Variants in MAEL observed in about 807,000 individuals in gnomAD.
The protein encoded by MAEL is maelstrom spermatogenic transposon silencer, also known as protein maelstrom homolog.
MAEL carries 46 observed loss-of-function variants against 62.0 expected under a neutral mutation model. That is an observed-to-expected ratio of 0.74 (90% CI 0.59 to 0.95). The LOEUF (loss-of-function observed/expected upper bound fraction) is 0.95, where lower values mean the gene tolerates loss of function less well. Among genes scored for constraint, MAEL ranks in the 40% least tolerant of loss-of-function variants. The pLI, the probability that MAEL is intolerant of heterozygous loss-of-function variation, is 0.00. For synonymous variants in MAEL, 172 were observed against 175.5 expected, an observed-to-expected ratio of 0.98 and a Z score of 0.16; for missense variants, 497 against 526.8, an observed-to-expected ratio of 0.94 and a Z score of 0.55.
chr1:167,013,346 T>C (rs1336982805), intron 8 of MAEL, among the ~76,000 whole-genome samples: 1 of 152,192 alleles, frequency 6.6e-6, no homozygotes, highest in Non-Finnish European at 1.5e-5. Context: ...TGACGAGCTC[T>C]GACAAGTTAA....
chr1:167,018,852 A>T (rs1219695128), intron 10 of MAEL, among the ~76,000 whole-genome samples: 2 of 152,172 alleles, frequency 1.3e-5, no homozygotes, highest in Non-Finnish European at 2.9e-5. Flanking sequence ...TAGGGGTGGG[A>T]ACAGGGTGTC....
intron 1 of MAEL, 82 bp from the exon 2 acceptor site, chr1:166,989,655 A>G: frequency 6.8e-7 from 1 of 1,478,178 alleles, no homozygotes; most frequent in Admixed American, 2.1e-5. Context: ...CCTCCCTGTA[A>G]TGCCCCAGCA....
intron 1 of MAEL, among the ~76,000 whole-genome samples, chr1:166,982,193 G>C (rs1350684428): frequency 6.6e-6 from 1 of 152,180 alleles, no homozygotes; most frequent in Non-Finnish European, 1.5e-5. Flanking sequence ...TGTCTAGATG[G>C]TACTCAGAAA....
rs531246004 is a variant in MAEL at position 167,018,857 on chromosome 1, G to C, written c.1041+898G>C. Reference sequence around the variant, plus strand: ...TCCCAGGAGTTAGGGGTGGGAACAGGGTGTCTGTAAAGGGATTGAGCATGA... The same window carrying C: ...TCCCAGGAGTTAGGGGTGGGAACAGCGTGTCTGTAAAGGGATTGAGCATGA... On this transcript the variant is annotated intron_variant, in intron 10 of 11. Coordinates refer to ENST00000367872, the MANE Select transcript of MAEL (RefSeq NM_032858.3). Among the ~76,000 whole-genome samples, 8 of 152,114 alleles carry C rather than the reference G, an allele frequency of 5.3e-5. 1 individual carries two copies. The highest frequency in any genetic ancestry group is 8.8e-5 in the Non-Finnish European group (6 of 68,020).
Position 167,005,101 on chromosome 1 carries a change from G to A in MAEL, c.674G>A (p.Trp225Ter). ...CKSDDRTRVN[W>*]CLKHMAKASE... ...TCTGATGATAGAACCAGAGTCAACT[G>A]GTGTTTGAAGCATATGGCAAAGGCA... Residue 225 changes from tryptophan (W) to a stop codon, truncating the protein, a stop_gained, in exon 7 of 12, where the codon TGG becomes TAG. Transcript: ENST00000367872. LOFTEE classifies it high-confidence loss of function. 6.2e-7 allele frequency: 1 copy of A among 1,613,552 alleles called. No individual in the cohort carries two copies. The highest frequency in any genetic ancestry group is 1.1e-5 in the South Asian group (1 of 91,002).
intron 5 of MAEL, among the ~76,000 whole-genome samples, chr1:167,002,706 CACCAAAGG>C (rs966797576): frequency 1.3e-5 from 2 of 152,130 alleles, no homozygotes; most frequent in African/African-American, 4.8e-5. Flanking sequence ...GACAGGTAAT[CACCAAAGG>C]ATTATTAGTA....
At chr1:167,001,726 C>T (rs183423832) in intron 5 of MAEL, among the ~76,000 whole-genome samples, 1 of 152,302 alleles carries the variant, frequency 6.6e-6, no homozygotes, top group East Asian at 1.9e-4. Context: ...AGCAGTTGCA[C>T]ATTTTAATGA....
intron 1 of MAEL, among the ~76,000 whole-genome samples, chr1:166,981,024 C>G (rs1663744025): frequency 6.6e-6 from 1 of 152,144 alleles, no homozygotes; most frequent in African/African-American, 2.4e-5. Context: ...GATGACCTCA[C>G]CCCCAGCAAA....
chr1:167,012,558 A>C (rs995617656), intron 8 of MAEL: 1 of 152,236 alleles, frequency 6.6e-6, no homozygotes, highest in African/African-American at 2.4e-5. Context: ...CTAACAGTTA[A>C]GTAGGAAAGA....
At chr1:167,006,174 A>G (rs1430838946) in intron 8 of MAEL, 1 of 152,160 alleles carries the variant, frequency 6.6e-6, no homozygotes, top group East Asian at 1.9e-4. Context: ...ATAGGACACA[A>G]TACTATTATC....
intron 1 of MAEL, among the ~76,000 whole-genome samples, chr1:166,981,860 C>T (rs56310651): frequency 0.13 from 19,980 of 152,036 alleles, 3,024 homozygotes; most frequent in African/African-American, 0.38. Context: ...GTAATTCCAC[C>T]GGCAATGTAC....
At chr1:167,005,959 G>C (rs1664877809) in intron 8 of MAEL, 2 of 152,146 alleles carry the variant, frequency 1.3e-5, no homozygotes, top group Non-Finnish European at 2.9e-5. Flanking sequence ...AGAATGTTTA[G>C]TCTACGGCCA....
Position 166,989,799 on chromosome 1 carries a change from G to C in MAEL, c.195G>C (p.Gln65His). The C allele has an allele frequency of 6.2e-7, 1 of 1,613,892 alleles. No homozygotes were observed. Among genetic ancestry groups the C allele is most frequent in the East Asian group, 2.2e-5 (1 of 44,872 alleles). Reference protein sequence around the residue: ...AEMAREWRAAQGKDPGPSEKQ... With the variant: ...AEMAREWRAAHGKDPGPSEKQ... ...TGGCTCGAGAATGGAGGGCCGCTCAGGGAAAGGACCCTGGGCCCTCAGAGA... is the reference window on the plus strand; with the variant it reads ...TGGCTCGAGAATGGAGGGCCGCTCACGGAAAGGACCCTGGGCCCTCAGAGA... Residue 65 changes from glutamine to histidine, a missense_variant, in exon 2 of 12, where the codon CAG becomes CAC. Gln to His is a conservative substitution (Grantham distance 24). Transcript: ENST00000367872.
intron 5 of MAEL, among the ~76,000 whole-genome samples, chr1:166,997,930 A>G (rs1664497425): frequency 6.6e-6 from 1 of 152,222 alleles, no homozygotes; most frequent in African/African-American, 2.4e-5. Context: ...ATAATCATTT[A>G]TCACAGCATC....
chr1:167,013,285 T>A (rs1269332366), intron 8 of MAEL, among the ~76,000 whole-genome samples: 2 of 152,184 alleles, frequency 1.3e-5, no homozygotes, highest in Non-Finnish European at 2.9e-5. Context: ...AGCACGTAGA[T>A]GAGATCACCT....
intron 5 of MAEL, among the ~76,000 whole-genome samples, chr1:166,996,727 A>G (rs184882400): frequency 7.2e-5 from 11 of 152,302 alleles, no homozygotes; most frequent in African/African-American, 1.2e-4. Context: ...CTACATGTAC[A>G]TATTTGTTTA....
chr1:166,989,514 G>T, intron 1 of MAEL, 30 bp downstream of exon 1: 1 of 1,575,424 alleles, frequency 6.3e-7, no homozygotes, highest in South Asian at 1.2e-5. Flanking sequence ...AGAGGGCTGG[G>T]CAGGGCAGTT....
At chr1:167,003,805 C>T (rs1664776717) in intron 5 of MAEL, among the ~76,000 whole-genome samples, 2 of 152,188 alleles carry the variant, frequency 1.3e-5, no homozygotes, top group African/African-American at 4.8e-5. Context: ...GCAGTCATTA[C>T]TGTTAAGTTC....
chr1:167,000,653 AT>A (rs1664622935), intron 5 of MAEL, among the ~76,000 whole-genome samples: 1 of 152,234 alleles, frequency 6.6e-6, no homozygotes, highest in Non-Finnish European at 1.5e-5. Context: ...CTACAGAGAA[AT>A]TCTTCATGAG....
Sources: gnomAD v4.1 joint callset for allele counts (sites outside exome capture counted in the v4.1 genomes callset) on GRCh38, gnomAD v4.1.1 for gene constraint, MANE v1.5 for transcripts, NCBI Gene and HGNC (gene_info 2026-07-23, HGNC 2026-07-21) for gene names.